The following PRKG1 variants were observed in gnomAD, a reference collection of about 807,000 sequenced individuals.
PRKG1 encodes the protein cGMP-dependent protein kinase 1.
In PRKG1, 35 loss-of-function variants were observed where a neutral mutation model predicts 88.1. The ratio of observed to expected loss-of-function variants is 0.40; its 90% confidence interval spans 0.30 to 0.53. The LOEUF is 0.53. PRKG1 is among the 20% of genes least tolerant of loss of function. The pLI, the probability that PRKG1 is intolerant of heterozygous loss-of-function variation, is 0.59. For synonymous variants in PRKG1, 303 were observed against 292.5 expected, an observed-to-expected ratio of 1.04 and a Z score of -0.37; for missense variants, 540 against 839.8, an observed-to-expected ratio of 0.64 and a Z score of 4.41.
At chr10:51,201,901 T>G (rs889018328) in intron 2 of PRKG1, among the ~76,000 whole-genome samples, 1 of 152,248 alleles carries the variant, frequency 6.6e-6, no homozygotes, top group African/African-American at 2.4e-5. Context: ...TACCCCAAAC[T>G]GACAGACAGC....
At chr10:51,619,104 A>C (rs1417618338) in intron 3 of PRKG1, among the ~76,000 whole-genome samples, 1 of 151,988 alleles carries the variant, frequency 6.6e-6, no homozygotes, top group Non-Finnish European at 1.5e-5. Context: ...GTGGGAGAAT[A>C]GAGGAAGAAA....
chr10:51,321,312 A>T (rs211072), intron 2 of PRKG1, among the ~76,000 whole-genome samples: 10,600 of 152,246 alleles, frequency 0.07, 538 homozygotes, highest in African/African-American at 0.14. Context: ...ATAGAGCAAG[A>T]TTAAATGAAA....
At chr10:51,116,195 T>G (rs772786247) in intron 1 of PRKG1, among the ~76,000 whole-genome samples, 1 of 152,204 alleles carries the variant, frequency 6.6e-6, no homozygotes, top group African/African-American at 2.4e-5. Flanking sequence ...GGTAAAATGC[T>G]GCATCAATAA....
intron 2 of PRKG1, among the ~76,000 whole-genome samples, chr10:51,167,602 C>T (rs565342604): frequency 8.8e-4 from 134 of 152,192 alleles, no homozygotes; most frequent in African/African-American, 3.2e-3. Context: ...CTTGGGAAGC[C>T]ATAGCAGTAA....
chr10:51,225,913 T>C (rs995555932), intron 2 of PRKG1, among the ~76,000 whole-genome samples: 1 of 152,122 alleles, frequency 6.6e-6, no homozygotes, highest in African/African-American at 2.4e-5. Flanking sequence ...GTAATCAAAA[T>C]TGATTCTGTG....
intron 3 of PRKG1, among the ~76,000 whole-genome samples, chr10:51,642,987 C>T (rs927258197): frequency 3.3e-5 from 5 of 152,150 alleles, no homozygotes; most frequent in Non-Finnish European, 5.9e-5. Flanking sequence ...TTTCTAAAAT[C>T]ACCAGGTTTT....
At chr10:51,067,697 T>C (rs1843770292) in intron 1 of PRKG1, among the ~76,000 whole-genome samples, 1 of 152,066 alleles carries the variant, frequency 6.6e-6, no homozygotes, top group Non-Finnish European at 1.5e-5. Context: ...AAAATTTGTA[T>C]GTAATACAGT....
chr10:51,735,013 C>T (rs1213756754), intron 3 of PRKG1, among the ~76,000 whole-genome samples: 1 of 152,026 alleles, frequency 6.6e-6, no homozygotes, highest in African/African-American at 2.4e-5. Flanking sequence ...ATAAAAATCC[C>T]GGGCTCTGAA....
intron 1 of PRKG1, among the ~76,000 whole-genome samples, chr10:51,129,656 G>A (rs191382625): frequency 9.1e-4 from 138 of 151,856 alleles, no homozygotes; most frequent in African/African-American, 3.3e-3. Context: ...ACTTGGATAT[G>A]ACACAAACTA....
At chr10:50,992,072 C>G (rs982135909) in intron 1 of PRKG1, among the ~76,000 whole-genome samples, 2 of 152,060 alleles carry the variant, frequency 1.3e-5, no homozygotes, top group African/African-American at 4.8e-5. Flanking sequence ...CGGACTCAGG[C>G]CACTGGACAT....
chr10:52,102,908 A>G (rs1445826304), intron 7 of PRKG1, among the ~76,000 whole-genome samples: 1 of 152,116 alleles, frequency 6.6e-6, no homozygotes, highest in Non-Finnish European at 1.5e-5. Context: ...GGGGTCCCCA[A>G]CTCCTGGGCC....
At chr10:52,285,409 C>T (rs916033663) in intron 14 of PRKG1, among the ~76,000 whole-genome samples, 1 of 151,978 alleles carries the variant, frequency 6.6e-6, no homozygotes, top group African/African-American at 2.4e-5. Flanking sequence ...CTTATTTCCA[C>T]TGGTAGACTT....
intron 3 of PRKG1, among the ~76,000 whole-genome samples, chr10:51,792,521 T>A (rs1838894641): frequency 6.6e-6 from 1 of 152,136 alleles, no homozygotes; most frequent in South Asian, 2.1e-4. Context: ...TTAACAAATG[T>A]AAGAATATAG....
chr10:51,625,482 AAAAGAAAGAAAG>A (rs749004869), intron 3 of PRKG1, among the ~76,000 whole-genome samples: 2 of 152,100 alleles, frequency 1.3e-5, no homozygotes, highest in Non-Finnish European at 2.9e-5. Context: ...GTCTCAATAA[AAAAGAAAGAAAG>A]AAAGAAAGAC....
chr10:51,879,637 A>C (rs1299175412), intron 4 of PRKG1, among the ~76,000 whole-genome samples: 17 of 152,164 alleles, frequency 1.1e-4, no homozygotes, highest in Admixed American at 1.1e-3. Flanking sequence ...CATGACTTTA[A>C]ACCTGCCTCC....
chr10:52,128,344 A>G, intron 7 of PRKG1: 3 of 985,394 alleles, frequency 3.0e-6, no homozygotes, highest in Non-Finnish European at 3.6e-6. Context: ...CTTTGGCCTC[A>G]TACATTCTGT....
chr10:51,876,831 A>G (rs1204431355), intron 4 of PRKG1, among the ~76,000 whole-genome samples: 1 of 152,122 alleles, frequency 6.6e-6, no homozygotes, highest in Non-Finnish European at 1.5e-5. Context: ...GTTCCCTTGC[A>G]CCGGGGTGGG....
chr10:52,055,042 A>G (rs536031155), intron 6 of PRKG1, among the ~76,000 whole-genome samples: 8 of 152,208 alleles, frequency 5.3e-5, no homozygotes, highest in Admixed American at 1.3e-4. Flanking sequence ...AGGCTGAGAC[A>G]GGAGGATTGC....
intron 2 of PRKG1, among the ~76,000 whole-genome samples, chr10:51,256,659 T>C (rs556665654): frequency 5.9e-5 from 9 of 151,786 alleles, no homozygotes; most frequent in Non-Finnish European, 1.3e-4. Flanking sequence ...CATAGACAAA[T>C]AGAAAGACAC....
Sources: gnomAD v4.1 joint callset for allele counts (sites outside exome capture counted in the v4.1 genomes callset) on GRCh38, gnomAD v4.1.1 for gene constraint, MANE v1.5 for transcripts, NCBI Gene and HGNC (gene_info 2026-07-23, HGNC 2026-07-21) for gene names.